Variants in LRRC41 observed in about 807,000 individuals in gnomAD.
LRRC41 encodes the protein leucine-rich repeat-containing protein 41.
LRRC41 carries 17 observed loss-of-function variants against 72.1 expected under a neutral mutation model. The observed-to-expected ratio is 0.24, with a 90% CI of 0.16 to 0.35. The LOEUF is 0.35. Among genes scored for constraint, LRRC41 ranks in the 10% least tolerant of loss-of-function variants. The pLI, the probability that LRRC41 is intolerant of heterozygous loss-of-function variation, is 1.00. For missense variants in LRRC41, 759 were observed against 1,065.0 expected (o/e 0.71, Z 4.00); for synonymous variants, 427 against 431.0 (o/e 0.99, Z 0.11).
intron 1 of LRRC41, chr1:46,300,379 C>T (rs746234886): frequency 7.2e-5 from 11 of 152,098 alleles, no homozygotes; most frequent in Non-Finnish European, 1.3e-4. Flanking sequence ...AAAACTTCCG[C>T]TCCAGGGTCT....
rs1222290188 is a variant in LRRC41, at chr1:46,279,484, G to A, written c.2143+8C>T. ...TTCCCCTCTCCCTCCCCAGGGTCTGGCCCCCACCCAGGCGGTTCCCTGGCA... is the reference window on the plus strand; with the variant it reads ...TTCCCCTCTCCCTCCCCAGGGTCTGACCCCCACCCAGGCGGTTCCCTGGCA... On this transcript the variant is annotated splice_region_variant and intron_variant, in intron 8 of 9. Transcript: ENST00000617190. This position sits in a 1 kb window ranked among gnomAD's most constrained non-coding sequence, Gnocchi z 4.5. 2.5e-6 allele frequency: 4 copies of A among 1,614,014 alleles called. No homozygotes were observed. The highest frequency in any genetic ancestry group is 2.5e-6 in the Non-Finnish European group (3 of 1,180,038).
At chr1:46,299,897 T>C (rs1207212231) in intron 1 of LRRC41, 4 of 151,722 alleles carry the variant, frequency 2.6e-5, no homozygotes, top group Non-Finnish European at 5.9e-5. Context: ...TAAAATAAAA[T>C]AAAATAAAAT....
In LRRC41 at chr1:46,302,180, C is replaced by T. The variant is rs375550246; in HGVS notation, c.199+944G>A. On this transcript the variant is annotated intron_variant, in intron 1 of 9. Coordinates refer to ENST00000617190, the MANE Select transcript of LRRC41 (RefSeq NM_006369.5). This position sits in a 1 kb window ranked among gnomAD's most constrained non-coding sequence, Gnocchi z 4.7. Reference sequence around the variant, plus strand: ...GTCCCGGCCGCCTTCAGGCCTGGGGCCCCCGTTCACTCCCATTCAGCCCAA... The same window carrying T: ...GTCCCGGCCGCCTTCAGGCCTGGGGTCCCCGTTCACTCCCATTCAGCCCAA... The T allele has an allele frequency of 1.0e-6, 1 of 985,364 alleles. No homozygotes were observed. Among genetic ancestry groups the T allele is most frequent in the South Asian group, 4.7e-5 (1 of 21,284 alleles). The allele number at this position is 985,364 out of a possible 1,614,324, so 61.0% of individuals were successfully genotyped here. A position where few individuals can be genotyped will look rare whatever the true frequency, so the allele number is the denominator to read the frequency against.
chr1:46,278,428 GA>G lies in LRRC41; in HGVS notation c.*436del. 1 of 994,942 alleles carries G rather than the reference GA, an allele frequency of 1.0e-6. No homozygotes were observed. Among genetic ancestry groups the G allele is most frequent in the South Asian group, 1.5e-5 (1 of 68,424 alleles). The allele number at this position is 994,942 out of a possible 1,614,324, so 61.6% of individuals were successfully genotyped here. On this transcript the variant is annotated 3_prime_UTR_variant, in exon 10 of 10. Transcript: ENST00000617190. Reference sequence around the variant, plus strand: ...TGTTTGCCCAAAATTTATTTTATAAGAAAAACTTTTTTGGTTAAAAAAAAGA... The same window carrying G: ...TGTTTGCCCAAAATTTATTTTATAAGAAAACTTTTTTGGTTAAAAAAAAGA...
chr1:46,297,874 C>T (rs1661155156), intron 2 of LRRC41, among the ~76,000 whole-genome samples: 1 of 152,182 alleles, frequency 6.6e-6, no homozygotes, highest in African/African-American at 2.4e-5. Flanking sequence ...TTAATAACAG[C>T]TATTTCATAG....
chr1:46,302,181 C>T lies in LRRC41; in HGVS notation c.199+943G>A, dbSNP rs1569671466. 2 of 985,390 alleles carry T rather than the reference C, an allele frequency of 2.0e-6. No homozygotes were observed. Among genetic ancestry groups the T allele is most frequent in the Admixed American group, 6.1e-5 (1 of 16,294 alleles). 61.0% of individuals were successfully genotyped at this position (985,390 alleles called of 1,614,324 possible). A position where few individuals can be genotyped will look rare whatever the true frequency, so the allele number is the denominator to read the frequency against. ...TCCCGGCCGCCTTCAGGCCTGGGGC[C>T]CCCGTTCACTCCCATTCAGCCCAAG... On this transcript the variant is annotated intron_variant, in intron 1 of 9. Coordinates refer to ENST00000617190, the MANE Select transcript of LRRC41 (RefSeq NM_006369.5). This position sits in a 1 kb window ranked among gnomAD's most constrained non-coding sequence, Gnocchi z 4.7.
chr1:46,278,709 G>A lies in LRRC41; in HGVS notation c.*156C>T, dbSNP rs1478978559. ...ATGCCTGTTTGCTGGGCCTCATCAA[G>A]GCCTCCAGGACCTCAGTGCAAGGGA... On this transcript the variant is annotated 3_prime_UTR_variant, in exon 10 of 10. Coordinates refer to ENST00000617190, the MANE Select transcript of LRRC41 (RefSeq NM_006369.5). 1 of 711,436 alleles carries A rather than the reference G, an allele frequency of 1.4e-6. No homozygotes were observed. Among genetic ancestry groups the A allele is most frequent in the Non-Finnish European group, 2.3e-6 (1 of 433,030 alleles). The allele number at this position is 711,436 out of a possible 1,614,324, so 44.1% of individuals were successfully genotyped here.
Position 46,280,568 on chromosome 1 carries a change from T to C in LRRC41, c.1757-8A>G, listed in dbSNP as rs758620128. Reference sequence around the variant, plus strand: ...ACTGCTCCAGGCAGTTTTCTGGATATGGTGGGGAAAGAAGATTCCAGCTGG... The same window carrying C: ...ACTGCTCCAGGCAGTTTTCTGGATACGGTGGGGAAAGAAGATTCCAGCTGG... On this transcript the variant is annotated splice_region_variant and splice_polypyrimidine_tract_variant and intron_variant, in intron 5 of 9. Transcript: ENST00000617190. 2.4e-5 allele frequency: 38 copies of C among 1,612,598 alleles called. No homozygotes were observed. Among genetic ancestry groups the C allele is most frequent in the East Asian group, 2.0e-4 (9 of 44,862 alleles).
intron 3 of LRRC41, among the ~76,000 whole-genome samples, chr1:46,289,463 A>G (rs1660958922): frequency 6.6e-6 from 1 of 151,554 alleles, no homozygotes; most frequent in Non-Finnish European, 1.5e-5. Context: ...TTCCATCACC[A>G]CTCTTAAGAA....
At position 46,279,346 on chromosome 1, in the gene LRRC41, C is replaced by G; in HGVS notation, c.2144-89G>C. On this transcript the variant is annotated intron_variant, in intron 8 of 9. Transcript: ENST00000617190. This position sits in a 1 kb window ranked among gnomAD's most constrained non-coding sequence, Gnocchi z 4.5. ...CCAACTATGGCTGGCAGAACCAGCC[C>G]TGCTGGTTCCTGAAGCCCCAGCACA... The G allele has an allele frequency of 6.4e-7, 1 of 1,555,162 alleles. No homozygotes were observed. The highest frequency in any genetic ancestry group is 2.2e-5 in the East Asian group (1 of 44,542).
rs1322338624 is a variant in LRRC41, at chr1:46,303,238, C to T, written c.85G>A (p.Glu29Lys). 2 of 1,555,328 alleles carry T rather than the reference C, an allele frequency of 1.3e-6. No homozygotes were observed. The highest frequency in any genetic ancestry group is 1.2e-5 in the South Asian group (1 of 84,912). Reference sequence around the variant, plus strand: ...GCCGAGCTCTTCGCTGGCGCCGCCTCCCGGGACGTGGCCTCCATGGTCGTT... The same window carrying T: ...GCCGAGCTCTTCGCTGGCGCCGCCTTCCGGGACGTGGCCTCCATGGTCGTT... ...AATTMEATSR[E>K]AAPAKSSASG... Residue 29 changes from glutamate (E) to lysine (K), a missense_variant, in exon 1 of 10, where the codon GAG (glutamate) becomes AAG (lysine). This residue lies in a region of LRRC41 where 106 missense variants were observed against 66.1 expected (regional missense o/e 1.60). Transcript: ENST00000617190.
intron 3 of LRRC41, among the ~76,000 whole-genome samples, chr1:46,289,004 T>TA (rs1281341501): frequency 5.3e-5 from 8 of 152,380 alleles, no homozygotes; most frequent in Middle Eastern, 3.4e-3. Flanking sequence ...AGATGGTTAT[T>TA]ACAATATCTG....
At position 46,278,537 on chromosome 1, in the gene LRRC41, T is replaced by TG; in HGVS notation, c.*327dup. 1 of 617,252 alleles carries TG rather than the reference T, an allele frequency of 1.6e-6. No individual in the cohort carries two copies. Among genetic ancestry groups the TG allele is most frequent in the South Asian group, 2.0e-5 (1 of 49,014 alleles). The allele number at this position is 617,252 out of a possible 1,614,324, so 38.2% of individuals were successfully genotyped here. On this transcript the variant is annotated 3_prime_UTR_variant, in exon 10 of 10. Transcript: ENST00000617190. ...AAGCCCCCTATACTTCTCTAAAGCC[T>TG]GGGTGCCTGCTTGAGGAGGGAAGGC... is the stretch of plus-strand genomic sequence containing the variant.
At chr1:46,281,449 A>T in intron 4 of LRRC41, 64 bp from the exon 5 acceptor site, 1 of 1,488,950 alleles carries the variant, frequency 6.7e-7, no homozygotes, top group Non-Finnish European at 9.2e-7. Flanking sequence ...ATATATTCAA[A>T]TACAACTCCA....
chr1:46,302,395 G>A lies in LRRC41; in HGVS notation c.199+729C>T. The A allele has an allele frequency of 2.0e-6, 2 of 985,386 alleles. No homozygotes were observed. The highest frequency in any genetic ancestry group is 4.7e-5 in the South Asian group (1 of 21,284). The allele number at this position is 985,386 out of a possible 1,614,324, so 61.0% of individuals were successfully genotyped here. On this transcript the variant is annotated intron_variant, in intron 1 of 9. Transcript: ENST00000617190. This position sits in a 1 kb window ranked among gnomAD's most constrained non-coding sequence, Gnocchi z 4.7. ...CCCTCCTCGCCGCTCGAGCCGATCC[G>A]AGTGGCCTCCGGCGCTCCCTGTCCT...
Position 46,278,045 on chromosome 1 carries a change from G to A in LRRC41, c.*820C>T. 6.2e-7 allele frequency: 1 copy of A among 1,614,138 alleles called. No homozygotes were observed. The highest frequency in any genetic ancestry group is 1.3e-5 in the African/African-American group (1 of 75,056). Reference sequence around the variant, plus strand: ...ACAGTAGGGAGATGGGATCTGTAGTGACTTCAGCTGTGCCTTCTGTCCCTA... The same window carrying A: ...ACAGTAGGGAGATGGGATCTGTAGTAACTTCAGCTGTGCCTTCTGTCCCTA... On this transcript the variant is annotated 3_prime_UTR_variant, in exon 10 of 10. Transcript: ENST00000617190.
chr1:46,281,204 G>A lies in LRRC41; in HGVS notation c.1677C>T (p.His559=), dbSNP rs1660767726. 6 of 1,614,090 alleles carry A rather than the reference G, an allele frequency of 3.7e-6. No individual in the cohort carries two copies. Among genetic ancestry groups the A allele is most frequent in the Non-Finnish European group, 1.7e-6 (2 of 1,180,046 alleles). The part of the protein sequence containing the change: ...LLRVLSIRVD[H]PSQRDNPGVP... ...CACCAGGGTTGTCCCGCTGGCTTGG[G>A]TGGTCAACACGAATAGAGAGGACCC... is the stretch of plus-strand genomic sequence containing the variant. Residue 559 remains histidine (H), a synonymous_variant, in exon 5 of 10, where the codon CAC becomes CAT. Transcript: ENST00000617190.
intron 4 of LRRC41, among the ~76,000 whole-genome samples, chr1:46,281,720 G>A (rs997304380): frequency 6.6e-6 from 1 of 152,218 alleles, no homozygotes; most frequent in Non-Finnish European, 1.5e-5. Context: ...TGGGTTCTGA[G>A]TAGTTTTCTG....
At chr1:46,281,816 C>T (rs983175448) in intron 4 of LRRC41, among the ~76,000 whole-genome samples, 3 of 152,178 alleles carry the variant, frequency 2.0e-5, no homozygotes, top group Non-Finnish European at 2.9e-5. Context: ...CGGTGGCTCA[C>T]GCCTGTAATC....
Sources: gnomAD v4.1 joint callset for allele counts (sites outside exome capture counted in the v4.1 genomes callset) on GRCh38, gnomAD v4.1.1 for gene constraint, gnomAD v4.1.1 regional missense constraint, Gnocchi (gnomAD v3.1) non-coding constraint, MANE v1.5 for transcripts, NCBI Gene and HGNC (gene_info 2026-07-23, HGNC 2026-07-21) for gene names.